NAA15: variants seen among roughly 807,000 people sequenced by gnomAD.
NAA15 encodes the protein N-alpha-acetyltransferase 15, NatA auxiliary subunit.
A neutral mutation model predicts 114.0 loss-of-function variants in NAA15; 34 were observed. The observed-to-expected ratio is 0.30, with a 90% CI of 0.23 to 0.40. The LOEUF is 0.40. NAA15 is among the 10% of genes least tolerant of loss of function. The pLI is 1.00. For synonymous variants in NAA15, 340 were observed against 338.0 expected, an observed-to-expected ratio of 1.01 and a Z score of -0.06; for missense variants, 658 against 1,004.5, an observed-to-expected ratio of 0.66 and a Z score of 4.66.
chr4:139,349,783 G>A (rs866167705), intron 7 of NAA15, among the ~76,000 whole-genome samples: 1 of 151,994 alleles, frequency 6.6e-6, no homozygotes, highest in Non-Finnish European at 1.5e-5. Flanking sequence ...TCAGGAGTTC[G>A]AGACCAGCCT....
rs192326816 is a variant in NAA15, at chr4:139,384,895, G to A, written c.2219G>A (p.Arg740His). The change falls in exon 18 of 20, where the codon CGT becomes CAT. Residue 740 changes from arginine to histidine, a missense_variant. Physicochemically the swap from Arg to His is conservative, Grantham distance 29 (BLOSUM62 0). This residue lies in a region of NAA15 where 275 missense variants were observed against 371.1 expected (regional missense o/e 0.74). Coordinates refer to ENST00000296543, the MANE Select transcript of NAA15 (RefSeq NM_057175.5). ...ACAGTATTAAAACAAGAAATGAATC[G>A]TCTTTTTGGAGCAACGAATCCAAAG... is the stretch of plus-strand genomic sequence containing the variant. ...VRTVLKQEMNRLFGATNPKNF... is the reference protein window; with the variant it reads ...VRTVLKQEMNHLFGATNPKNF... The A allele has an allele frequency of 1.1e-5, 17 of 1,552,098 alleles. No individual in the cohort carries two copies. The East Asian group carries it at 1.2e-4, about 11-fold the overall frequency.
chr4:139,350,483 A>G (rs370185417), intron 7 of NAA15, among the ~76,000 whole-genome samples: 8 of 152,330 alleles, frequency 5.3e-5, no homozygotes, highest in East Asian at 1.9e-4. Context: ...TCCCCCAGTC[A>G]TCCTCTCCCA....
intron 17 of NAA15, among the ~76,000 whole-genome samples, chr4:139,380,925 A>G (rs1748734476): frequency 6.6e-6 from 1 of 152,192 alleles, no homozygotes; most frequent in Admixed American, 6.5e-5. Flanking sequence ...AAAATATGTA[A>G]TTTAGAAGTA....
chr4:139,324,914 C>G (rs1183101459), intron 1 of NAA15, among the ~76,000 whole-genome samples: 1 of 152,038 alleles, frequency 6.6e-6, no homozygotes, highest in Non-Finnish European at 1.5e-5. Context: ...TTGGAGGGGC[C>G]TGCCATTCTG....
chr4:139,371,513 A>G (rs1322562488), intron 15 of NAA15, among the ~76,000 whole-genome samples: 5 of 148,000 alleles, frequency 3.4e-5, no homozygotes, highest in East Asian at 2.0e-4. Context: ...ACACACACAC[A>G]CACACACACA....
At chr4:139,373,446 C>T (rs1414609573) in intron 15 of NAA15, among the ~76,000 whole-genome samples, 2 of 152,054 alleles carry the variant, frequency 1.3e-5, no homozygotes, top group African/African-American at 2.4e-5. Flanking sequence ...TTATGTAGCA[C>T]ATGACTATAT....
At chr4:139,370,660 A>T (rs1327277880) in intron 15 of NAA15, among the ~76,000 whole-genome samples, 1 of 152,212 alleles carries the variant, frequency 6.6e-6, no homozygotes, top group Non-Finnish European at 1.5e-5. Flanking sequence ...TGAGTCATTC[A>T]GATCTGGGTC....
intron 1 of NAA15, among the ~76,000 whole-genome samples, chr4:139,327,394 C>T (rs762461099): frequency 2.7e-4 from 41 of 152,112 alleles, no homozygotes; most frequent in Admixed American, 2.6e-3. Flanking sequence ...GGACTACAGG[C>T]GTGCGCTGCC....
At chr4:139,313,843 A>G (rs1285661285) in intron 1 of NAA15, among the ~76,000 whole-genome samples, 8 of 151,936 alleles carry the variant, frequency 5.3e-5, no homozygotes, top group African/African-American at 1.9e-4. Flanking sequence ...GGCCTGTTAC[A>G]GTATATTTCT....
intron 1 of NAA15, among the ~76,000 whole-genome samples, chr4:139,312,789 T>C (rs2110839583): frequency 6.6e-6 from 1 of 151,578 alleles, no homozygotes; most frequent in Admixed American, 6.6e-5. Flanking sequence ...AAGACTGCAG[T>C]GAGCTATCAT....
chr4:139,317,220 T>A (rs992799524), intron 1 of NAA15, among the ~76,000 whole-genome samples: 1 of 151,938 alleles, frequency 6.6e-6, no homozygotes, highest in African/African-American at 2.4e-5. Flanking sequence ...ATTGGAGTTT[T>A]TAGTCATTTC....
intron 1 of NAA15, 118 bp downstream of exon 1, chr4:139,301,949 G>A: frequency 8.9e-7 from 1 of 1,123,506 alleles, no homozygotes; most frequent in South Asian, 1.5e-5. Flanking sequence ...CGCCTTCATA[G>A]CTCTCGTCAG....
chr4:139,315,003 T>TCAGGTCAGGTCAGGTC (rs1560952750), intron 1 of NAA15, among the ~76,000 whole-genome samples: 1 of 79,310 alleles, frequency 1.3e-5, no homozygotes, highest in Admixed American at 1.2e-4. Flanking sequence ...CAGTTCAGTT[T>TCAGGTCAGGTCAGGTC]AGTTTAGGTT....
chr4:139,341,196 AC>A, intron 4 of NAA15, 127 bp downstream of exon 4: 2 of 622,676 alleles, frequency 3.2e-6, no homozygotes, highest in Non-Finnish European at 5.0e-6. Context: ...TTTTCCTCCT[AC>A]CACAGTGGTT....
chr4:139,386,057 C>A, intron 18 of NAA15, 76 bp from the exon 19 acceptor site: 1 of 740,594 alleles, frequency 1.4e-6, no homozygotes, highest in Non-Finnish European at 2.3e-6. Flanking sequence ...TCTTGTTTGC[C>A]TTTTATATTT....
chr4:139,314,961 C>T (rs1419157566), intron 1 of NAA15, among the ~76,000 whole-genome samples: 2 of 127,366 alleles, frequency 1.6e-5, no homozygotes, highest in Non-Finnish European at 3.4e-5. Context: ...CAGGCATGAG[C>T]AACCACACCC....
chr4:139,311,812 A>C (rs879484086), intron 1 of NAA15, among the ~76,000 whole-genome samples: 1 of 151,898 alleles, frequency 6.6e-6, no homozygotes, highest in African/African-American at 2.4e-5. Context: ...ATAAAATGTT[A>C]GAAGAGCTGG....
chr4:139,385,025 T>G, intron 18 of NAA15, 47 bp downstream of exon 18: 1 of 1,376,404 alleles, frequency 7.3e-7, no homozygotes, highest in South Asian at 1.8e-5. Flanking sequence ...ACTTCAGTAA[T>G]TTTAATGAAT....
intron 1 of NAA15, among the ~76,000 whole-genome samples, chr4:139,317,754 A>G (rs1746462524): frequency 6.6e-6 from 1 of 152,194 alleles, no homozygotes; most frequent in Non-Finnish European, 1.5e-5. Context: ...GGTTTTGTAT[A>G]ATTGGATAAT....
Sources: gnomAD v4.1 joint callset for allele counts (sites outside exome capture counted in the v4.1 genomes callset) on GRCh38, gnomAD v4.1.1 for gene constraint, gnomAD v4.1.1 regional missense constraint, MANE v1.5 for transcripts, NCBI Gene and HGNC (gene_info 2026-07-23, HGNC 2026-07-21) for gene names.